Variants in CYRIB observed in about 807,000 individuals in gnomAD.
CYRIB encodes the protein CYFIP-related Rac1 interactor B.
A neutral mutation model predicts 44.2 loss-of-function variants in CYRIB; 8 were observed. The ratio of observed to expected loss-of-function variants is 0.18; its 90% CI spans 0.11 to 0.33. The LOEUF is 0.33. Ranked by LOEUF, CYRIB falls within the 10% of genes least tolerant of loss-of-function variation. CYRIB has a pLI of 1.00. For synonymous variants in CYRIB, 131 were observed against 127.2 expected, an observed-to-expected ratio of 1.03 and a Z score of -0.20; for missense variants, 185 against 382.8, an observed-to-expected ratio of 0.48 and a Z score of 4.31.
Position 129,875,305 on chromosome 8 carries a change from C to CT in CYRIB, c.74-3810dup, listed in dbSNP as rs2058732118. Among the ~76,000 whole-genome samples the CT allele has an allele frequency of 1.3e-5, 2 of 151,486 alleles. 1 individual carries two copies. Among genetic ancestry groups the CT allele is most frequent in the Admixed American group, 1.3e-4 (2 of 15,206 alleles). On this transcript the variant is annotated intron_variant, in intron 3 of 11. Transcript: ENST00000519824. ...TTTCAAAGACAGTTTCACTCTGCTA[C>CT]TCAAGGTGGAGTGCAGTAGAGCAAA...
intron 1 of CYRIB, among the ~76,000 whole-genome samples, chr8:129,914,650 T>C (rs1407733080): frequency 6.6e-6 from 1 of 152,208 alleles, no homozygotes; most frequent in Non-Finnish European, 1.5e-5. Flanking sequence ...AGGTTTAAAT[T>C]ACACTGTACT....
intron 11 of CYRIB, among the ~76,000 whole-genome samples, chr8:129,845,862 C>T (rs1378900809): frequency 6.6e-6 from 1 of 152,202 alleles, no homozygotes; most frequent in East Asian, 1.9e-4. Context: ...AATGTTCTAG[C>T]AGCTGGGCAC....
At chr8:130,004,621 A>G (rs1318468165) in intron 1 of CYRIB, 1 of 151,840 alleles carries the variant, frequency 6.6e-6, no homozygotes, top group East Asian at 1.9e-4. Flanking sequence ...TTTTTTGTAT[A>G]TTGTGCATTG....
intron 1 of CYRIB, among the ~76,000 whole-genome samples, chr8:129,938,450 T>C (rs1340773613): frequency 6.6e-6 from 1 of 152,186 alleles, no homozygotes; most frequent in Non-Finnish European, 1.5e-5. Flanking sequence ...GACATACATT[T>C]TTCACATAGA....
intron 5 of CYRIB, among the ~76,000 whole-genome samples, chr8:129,858,408 G>C (rs1267242871): frequency 6.6e-6 from 1 of 152,236 alleles, no homozygotes; most frequent in African/African-American, 2.4e-5. Flanking sequence ...GAAGGAGGTT[G>C]CAAGGAAAAG....
At chr8:129,863,567 G>A (rs1259186820) in intron 4 of CYRIB, among the ~76,000 whole-genome samples, 1 of 150,838 alleles carries the variant, frequency 6.6e-6, no homozygotes, top group African/African-American at 2.4e-5. Context: ...AATTGTCACA[G>A]ATACTTATTC....
At chr8:129,922,341 A>G (rs1027332449) in intron 1 of CYRIB, among the ~76,000 whole-genome samples, 1 of 152,192 alleles carries the variant, frequency 6.6e-6, no homozygotes, top group African/African-American at 2.4e-5. Flanking sequence ...CCCAATTTAA[A>G]GCCATTCCTA....
intron 1 of CYRIB, among the ~76,000 whole-genome samples, chr8:130,011,661 C>CAA (rs545602036): frequency 6.3e-5 from 9 of 143,882 alleles, no homozygotes; most frequent in African/African-American, 2.3e-4. Flanking sequence ...ACTAAAAATA[C>CAA]AAAAAAAAAA....
At chr8:129,905,175 CAG>C (rs765258278) in intron 1 of CYRIB, among the ~76,000 whole-genome samples, 63 of 151,406 alleles carry the variant, frequency 4.2e-4, no homozygotes, top group Non-Finnish European at 8.0e-4. Context: ...TTATTTGAGA[CAG>C]AGTCTCACTC....
intron 1 of CYRIB, among the ~76,000 whole-genome samples, chr8:129,986,644 C>T (rs1387939363): frequency 1.3e-5 from 2 of 152,200 alleles, no homozygotes; most frequent in Non-Finnish European, 2.9e-5. Context: ...ATGTGATGCT[C>T]TGCACAGCCT....
intron 9 of CYRIB, 24 bp downstream of exon 11, chr8:129,850,811 T>C (rs1429910207): frequency 2.6e-6 from 4 of 1,561,582 alleles, no homozygotes; most frequent in Non-Finnish European, 3.5e-6. Context: ...ACTGTTAAAG[T>C]GAAAAAGATC....
At chr8:129,904,898 C>G (rs972397971) in intron 1 of CYRIB, among the ~76,000 whole-genome samples, 6 of 152,306 alleles carry the variant, frequency 3.9e-5, no homozygotes, top group African/African-American at 1.2e-4. Flanking sequence ...GCTGAGGCCA[C>G]CTTAGGTAAA....
intron 2 of CYRIB, among the ~76,000 whole-genome samples, chr8:129,967,993 A>T (rs2095552597): frequency 6.6e-6 from 1 of 152,106 alleles, no homozygotes; most frequent in Admixed American, 6.6e-5. Flanking sequence ...ATACTTGCAA[A>T]CACAGACCCA....
At chr8:130,017,010 C>G (rs1211831129), upstream of CYRIB, 5 of 152,460 alleles carry the variant, frequency 3.3e-5, no homozygotes, top group Admixed American at 2.0e-4. Context: ...GGGTCGCTTC[C>G]CCCTCACCTG....
chr8:129,957,416 T>C (rs2094914881), intron 2 of CYRIB, among the ~76,000 whole-genome samples: 1 of 152,200 alleles, frequency 6.6e-6, no homozygotes, highest in Admixed American at 6.5e-5. Flanking sequence ...GAAATTTGGA[T>C]AGTTAAATCA....
intron 1 of CYRIB, among the ~76,000 whole-genome samples, chr8:129,976,918 T>C (rs932633014): frequency 3.3e-5 from 5 of 152,060 alleles, no homozygotes; most frequent in South Asian, 2.1e-4. Context: ...CTCTGCTTAC[T>C]GTAACCTCCG....
chr8:129,974,717 G>A (rs1189184363), intron 1 of CYRIB, among the ~76,000 whole-genome samples: 2 of 149,592 alleles, frequency 1.3e-5, no homozygotes, highest in African/African-American at 2.5e-5. Flanking sequence ...AAAAATCACA[G>A]ATTTTTTTTT....
chr8:130,009,674 C>G (rs544517732), intron 1 of CYRIB, among the ~76,000 whole-genome samples: 1 of 152,198 alleles, frequency 6.6e-6, no homozygotes, highest in Non-Finnish European at 1.5e-5. Flanking sequence ...TGTGACTATG[C>G]CCCATGGGAG....
intron 1 of CYRIB, among the ~76,000 whole-genome samples, chr8:129,992,445 G>T (rs762345953): frequency 1.3e-5 from 2 of 152,146 alleles, no homozygotes; most frequent in African/African-American, 2.4e-5. Context: ...TTGGAACAGC[G>T]CTCACAAAGA....
Sources: gnomAD v4.1 joint callset for allele counts (sites outside exome capture counted in the v4.1 genomes callset) on GRCh38, gnomAD v4.1.1 for gene constraint, MANE v1.5 for transcripts, NCBI Gene and HGNC (gene_info 2026-07-23, HGNC 2026-07-21) for gene names.